KCNMB2: variants seen among roughly 807,000 people sequenced by gnomAD.
The protein encoded by KCNMB2 is calcium-activated potassium channel subunit beta-2.
KCNMB2 carries 9 observed loss-of-function variants against 24.5 expected under a neutral mutation model. That is an observed-to-expected ratio of 0.37 (90% CI 0.22 to 0.64). The LOEUF is 0.64. Among genes scored for constraint, KCNMB2 ranks in the 30% least tolerant of loss-of-function variants. The probability of loss-of-function intolerance (pLI) is 0.63; values close to 1 mark genes in which losing one functional copy is unlikely to be tolerated. For synonymous variants in KCNMB2, 109 were observed against 104.4 expected (o/e 1.04, Z -0.27); for missense variants, 226 against 284.3 (o/e 0.79, Z 1.47).
intron 2 of KCNMB2, among the ~76,000 whole-genome samples, chr3:178,813,066 C>G (rs1219056250): frequency 6.6e-6 from 1 of 152,120 alleles, no homozygotes; most frequent in Non-Finnish European, 1.5e-5. Flanking sequence ...AAATTTACAT[C>G]TTTATGTCAC....
chr3:178,613,541 C>G (rs1054699235), intron 1 of KCNMB2, among the ~76,000 whole-genome samples: 2 of 152,096 alleles, frequency 1.3e-5, no homozygotes, highest in Non-Finnish European at 2.9e-5. Flanking sequence ...AATTCCTCCC[C>G]TTTTGTTTGT....
chr3:178,817,024 T>C (rs1200203142), intron 2 of KCNMB2, among the ~76,000 whole-genome samples: 1 of 151,950 alleles, frequency 6.6e-6, no homozygotes, highest in Non-Finnish European at 1.5e-5. Context: ...GGAGAGTGTG[T>C]TATCTAATAA....
chr3:178,628,068 C>A (rs1012739736), intron 1 of KCNMB2, among the ~76,000 whole-genome samples: 1 of 152,068 alleles, frequency 6.6e-6, no homozygotes, highest in African/African-American at 2.4e-5. Context: ...TAAGATTTTG[C>A]TTCATATTTT....
intron 1 of KCNMB2, among the ~76,000 whole-genome samples, chr3:178,743,796 A>G (rs1220757173): frequency 6.6e-6 from 1 of 152,204 alleles, no homozygotes; most frequent in Non-Finnish European, 1.5e-5. Flanking sequence ...CCAGCATTAA[A>G]TTTTAAGCAT....
In KCNMB2 at chr3:178,779,004, A is replaced by AGAAGG. The variant is rs1229625211; in HGVS notation, c.-67-28338_-67-28337insAAGGG. 1.6e-4 allele frequency among the ~76,000 whole-genome samples: 25 copies of AGAAGG among 152,224 alleles called. 1 individual carries two copies. ...GAAAATGTGTGAAATGTGAGGGGAA[A>AGAAGG]GGATGAAGAAAGCACCATCTCGTAT... On this transcript the variant is annotated intron_variant, in intron 1 of 4. Transcript: ENST00000452583.
At chr3:178,794,372 C>A (rs1005203601) in intron 1 of KCNMB2, among the ~76,000 whole-genome samples, 1 of 151,536 alleles carries the variant, frequency 6.6e-6, no homozygotes, top group Non-Finnish European at 1.5e-5. Context: ...CCTGAACAGC[C>A]TCTCACAGTA....
intron 1 of KCNMB2, among the ~76,000 whole-genome samples, chr3:178,803,077 T>A (rs1247971258): frequency 6.6e-6 from 1 of 152,216 alleles, no homozygotes; most frequent in Non-Finnish European, 1.5e-5. Context: ...TTACATGTAT[T>A]GTTTTACTTA....
intron 1 of KCNMB2, among the ~76,000 whole-genome samples, chr3:178,761,244 T>G (rs901666788): frequency 2.6e-5 from 4 of 152,200 alleles, no homozygotes; most frequent in Admixed American, 2.0e-4. Flanking sequence ...CTCGTCTCTA[T>G]GATGTCAATG....
rs756310784 is a variant in KCNMB2, at chr3:178,575,024, C to T, written c.-68+38313C>T. Among the ~76,000 whole-genome samples, 3 of 152,062 alleles carry T rather than the reference C, an allele frequency of 2.0e-5. No individual in the cohort carries two copies. In the South Asian group the frequency reaches 6.2e-4, roughly 32 times the overall value. On this transcript the variant is annotated intron_variant, in intron 1 of 4. Transcript: ENST00000452583. ...CAGAGGTTGCAGTGAGCCAAGATCA[C>T]GCCACTGCACTCAAGCCTGGGCAAC...
At chr3:178,714,113 T>C (rs1235514245) in intron 1 of KCNMB2, among the ~76,000 whole-genome samples, 3 of 152,166 alleles carry the variant, frequency 2.0e-5, no homozygotes, top group Non-Finnish European at 2.9e-5. Context: ...TTCCCGGTTA[T>C]ACTTGAGCTG....
At chr3:178,758,508 ATATC>A (rs1370485384) in intron 1 of KCNMB2, among the ~76,000 whole-genome samples, 4 of 46,454 alleles carry the variant, frequency 8.6e-5, no homozygotes, top group African/African-American at 2.2e-4. Flanking sequence ...ATATATATAT[ATATC>A]TCCAAGAGGA....
At chr3:178,746,446 G>A (rs966321654) in intron 1 of KCNMB2, among the ~76,000 whole-genome samples, 4 of 152,160 alleles carry the variant, frequency 2.6e-5, no homozygotes, top group African/African-American at 9.7e-5. Flanking sequence ...TGTGACAAAA[G>A]GGGCTGCTGT....
intron 1 of KCNMB2, 72 bp from the exon 2 acceptor site, chr3:178,807,271 C>T (rs1315292461): frequency 1.7e-6 from 1 of 603,110 alleles, no homozygotes; most frequent in African/African-American, 1.9e-5. Flanking sequence ...GAATCAAAAC[C>T]CTGTTGTTAT....
At chr3:178,801,785 A>G (rs535913796) in intron 1 of KCNMB2, 11 of 152,300 alleles carry the variant, frequency 7.2e-5, no homozygotes, top group African/African-American at 2.6e-4. Flanking sequence ...GACAACTATT[A>G]TATATACCTG....
chr3:178,604,402 TA>T (rs5854815), intron 1 of KCNMB2, among the ~76,000 whole-genome samples: 97,442 of 145,970 alleles, frequency 0.67, 32,891 homozygotes, highest in African/African-American at 0.82. Flanking sequence ...TGAAGTGGTT[TA>T]AAAAAAAAAA....
chr3:178,813,409 T>A (rs958132911), intron 2 of KCNMB2, among the ~76,000 whole-genome samples: 2 of 152,204 alleles, frequency 1.3e-5, no homozygotes, highest in Admixed American at 6.5e-5. Flanking sequence ...ATACCTCTTA[T>A]GTTATATATG....
At chr3:178,769,986 T>C (rs1487781454) in intron 1 of KCNMB2, among the ~76,000 whole-genome samples, 3 of 152,224 alleles carry the variant, frequency 2.0e-5, no homozygotes, top group Admixed American at 1.3e-4. Flanking sequence ...ATTTATACAA[T>C]TTATTGTCCA....
intron 1 of KCNMB2, among the ~76,000 whole-genome samples, chr3:178,764,577 G>A (rs1412960659): frequency 2.0e-5 from 3 of 152,092 alleles, no homozygotes; most frequent in Non-Finnish European, 2.9e-5. Flanking sequence ...TTACTCACAG[G>A]ACAAAATCAA....
At chr3:178,582,279 G>A (rs776099287) in intron 1 of KCNMB2, among the ~76,000 whole-genome samples, 26 of 152,094 alleles carry the variant, frequency 1.7e-4, no homozygotes, top group Non-Finnish European at 3.2e-4. Flanking sequence ...ACCAAACACC[G>A]CATGTTCTCA....
Sources: allele counts gnomAD v4.1 joint callset (sites outside exome capture counted in the v4.1 genomes callset), GRCh38; gene constraint gnomAD v4.1.1; transcripts MANE v1.5; gene names NCBI Gene and HGNC (gene_info 2026-07-23, HGNC 2026-07-21).